HAGH: variants seen among roughly 807,000 people sequenced by gnomAD.
The protein encoded by HAGH is hydroxyacylglutathione hydrolase, mitochondrial.
Under a neutral mutation model 35.1 loss-of-function variants are expected in HAGH, and 29 were observed. That is an observed-to-expected ratio of 0.83 (90% CI 0.62 to 1.13). HAGH has a LOEUF of 1.13. HAGH is among the 50% of genes most tolerant of loss of function. HAGH has a pLI of 0.00. For synonymous variants in HAGH, 225 were observed against 176.1 expected (o/e 1.28, Z -2.20); for missense variants, 478 against 419.6 (o/e 1.14, Z -1.22).
intron 7 of HAGH, among the ~76,000 whole-genome samples, chr16:1,811,263 A>T (rs1897635499): frequency 6.6e-6 from 1 of 152,036 alleles, no homozygotes; most frequent in East Asian, 1.9e-4. Flanking sequence ...AAATAGAAAA[A>T]ATCAGCCGGG....
chr16:1,826,969 C>G (rs1172297029), upstream of HAGH: 2 of 612,532 alleles, frequency 3.3e-6, no homozygotes, highest in Non-Finnish European at 5.2e-6. Context: ...CCGACTGCCA[C>G]GGGCCGGGAG....
chr16:1,826,245 G>C (rs1898409528), intron 1 of HAGH, among the ~76,000 whole-genome samples: 1 of 151,680 alleles, frequency 6.6e-6, no homozygotes, highest in Non-Finnish European at 1.5e-5. Context: ...TGACACGCCG[G>C]GTCCCCAGAC....
At chr16:1,818,158 C>T (rs1437685582) in intron 5 of HAGH, among the ~76,000 whole-genome samples, 3 of 152,174 alleles carry the variant, frequency 2.0e-5, no homozygotes, top group Admixed American at 6.5e-5. Context: ...GCTTCTGCTC[C>T]ACAGGGCTGT....
intron 5 of HAGH, among the ~76,000 whole-genome samples, chr16:1,817,827 C>T (rs1897976850): frequency 6.6e-6 from 1 of 152,254 alleles, no homozygotes; most frequent in Non-Finnish European, 1.5e-5. Flanking sequence ...TTGCCCTCCT[C>T]TTGCTGCTTC....
upstream of HAGH, chr16:1,826,968 A>T (rs1463051882): frequency 1.2e-5 from 7 of 606,256 alleles, no homozygotes; most frequent in Non-Finnish European, 1.8e-5. Context: ...CCCGACTGCC[A>T]CGGGCCGGGA....
chr16:1,822,220 G>T, intron 3 of HAGH, 80 bp downstream of exon 3: 1 of 854,568 alleles, frequency 1.2e-6, no homozygotes, highest in South Asian at 1.4e-5. Context: ...CGTGGGGGGA[G>T]ACAGGCCTTG....
At chr16:1,825,670 C>T (rs912952817) in intron 1 of HAGH, among the ~76,000 whole-genome samples, 1 of 152,186 alleles carries the variant, frequency 6.6e-6, no homozygotes, top group African/African-American at 2.4e-5. Context: ...ACCTCCTGGA[C>T]TCAAGCGATC....
At position 1,809,350 on chromosome 16, in the gene HAGH, G is replaced by T; in HGVS notation, c.860C>A (p.Thr287Lys). 2 of 1,613,062 alleles carry T rather than the reference G, an allele frequency of 1.2e-6. No individual in the cohort carries two copies. The highest frequency in any genetic ancestry group is 1.7e-6 in the Non-Finnish European group (2 of 1,179,878). The change falls in exon 9 of 9, where the codon ACG becomes AAG. Residue 287 changes from threonine (T) to lysine (K), a missense_variant. By Grantham distance (78) the Thr-to-Lys change is moderately conservative. Coordinates refer to ENST00000397356, the MANE Select transcript of HAGH (RefSeq NM_005326.6). Reference protein sequence around the residue: ...EKTVQQHAGETDPVTTMRAVR... With the variant: ...EKTVQQHAGEKDPVTTMRAVR... The stretch of plus-strand genomic sequence containing the variant: ...GGCCCGCATGGTGGTCACCGGGTCC[G>T]TCTCACCTGCGTGCTGCTGCACCGT...
chr16:1,818,552 C>A (rs60385764), intron 5 of HAGH: 14,051 of 153,086 alleles, frequency 0.092, 794 homozygotes, highest in African/African-American at 0.16. Flanking sequence ...CGGGTGAAAC[C>A]CCGCACTGTG....
chr16:1,826,598 G>C (rs28820340), intron 1 of HAGH, 114 bp downstream of exon 1: 3 of 982,232 alleles, frequency 3.1e-6, no homozygotes, highest in Non-Finnish European at 3.6e-6. Context: ...CGCGGCCTTA[G>C]GCACCTGCGC....
intron 1 of HAGH, chr16:1,826,437 G>A (rs888894946): frequency 6.6e-6 from 3 of 452,214 alleles, no homozygotes; most frequent in South Asian, 1.8e-4. Context: ...ATGCCCTGGA[G>A]GCGTCAGGGG....
Position 1,826,707 on chromosome 16 carries a change from C to A in HAGH, c.76+5G>T, listed in dbSNP as rs1186667545. 2 of 1,094,544 alleles carry A rather than the reference C, an allele frequency of 1.8e-6. No individual in the cohort carries two copies. Among genetic ancestry groups the A allele is most frequent in the Non-Finnish European group, 1.1e-6 (1 of 900,266 alleles). 67.8% of individuals were successfully genotyped at this position (1,094,544 alleles called of 1,614,324 possible). ...CCCCGGCCCGCACCGCCCCGCCGCA[C>A]CCACCGAGGCCTCGGCGGGCGCAGG... On this transcript the variant is annotated splice_donor_5th_base_variant and intron_variant, in intron 1 of 8. Transcript: ENST00000397356.
At chr16:1,825,667 G>C (rs1360934707) in intron 1 of HAGH, among the ~76,000 whole-genome samples, 1 of 152,138 alleles carries the variant, frequency 6.6e-6, no homozygotes, top group East Asian at 1.9e-4. Context: ...TCGACCTCCT[G>C]GACTCAAGCG....
chr16:1,826,428 T>C (rs2142057648), intron 1 of HAGH: 1 of 402,344 alleles, frequency 2.5e-6, no homozygotes, highest in South Asian at 1.0e-4. Flanking sequence ...CAGGACGCGA[T>C]GCCCTGGAGG....
chr16:1,809,593 G>A (rs1056879963), intron 8 of HAGH, 161 bp downstream of exon 8: 29 of 696,672 alleles, frequency 4.2e-5, no homozygotes, highest in African/African-American at 1.9e-4. Context: ...AGGAAAGGCC[G>A]GACCCCCCTC....
intron 5 of HAGH, among the ~76,000 whole-genome samples, chr16:1,818,113 G>C (rs967455492): frequency 1.3e-5 from 2 of 152,314 alleles, no homozygotes; most frequent in Non-Finnish European, 2.9e-5. Flanking sequence ...CCCAGAGATA[G>C]GGAAGGGCAG....
At chr16:1,809,490 A>G (rs756098896) in intron 8 of HAGH, 108 bp from the exon 9 acceptor site, 1 of 868,222 alleles carries the variant, frequency 1.2e-6, no homozygotes, top group Non-Finnish European at 1.8e-6. Context: ...CAGCCCTCAG[A>G]GGACACGGAG....
intron 2 of HAGH, 25 bp downstream of exon 2, chr16:1,822,840 G>C: frequency 6.2e-7 from 1 of 1,603,276 alleles, no homozygotes; most frequent in Non-Finnish European, 8.5e-7. Context: ...CCAGGGCAGG[G>C]AGAGCCAGGC....
chr16:1,811,915 T>C (rs9928547), intron 7 of HAGH, among the ~76,000 whole-genome samples: 131,922 of 152,002 alleles, frequency 0.87, 57,587 homozygotes, highest in African/African-American at 0.96. Context: ...TGAGGCCGGG[T>C]GTGGTTGGCA....
Sources: allele counts gnomAD v4.1 joint callset (sites outside exome capture counted in the v4.1 genomes callset), GRCh38; gene constraint gnomAD v4.1.1; transcripts MANE v1.5; gene names NCBI Gene and HGNC (gene_info 2026-07-23, HGNC 2026-07-21).